NTRK3: variants seen among roughly 807,000 people sequenced by gnomAD.
NTRK3 encodes the protein neurotrophic receptor tyrosine kinase 3, also known as NT-3 growth factor receptor.
In NTRK3, 24 loss-of-function variants were observed where a neutral mutation model predicts 91.7. The observed-to-expected ratio is 0.26, with a 90% CI of 0.19 to 0.37. The LOEUF is 0.37. NTRK3 is among the 10% of genes least tolerant of loss of function. The probability of loss-of-function intolerance (pLI) is 1.00; values close to 1 mark genes in which losing one functional copy is unlikely to be tolerated. For missense variants in NTRK3, 880 were observed against 1,068.9 expected (o/e 0.82, Z 2.46); for synonymous variants, 483 against 404.0 (o/e 1.20, Z -2.34).
At chr15:88,032,324 A>T (rs1338769423) in intron 14 of NTRK3, among the ~76,000 whole-genome samples, 1 of 152,112 alleles carries the variant, frequency 6.6e-6, no homozygotes, top group African/African-American at 2.4e-5. Flanking sequence ...AGACATCTGC[A>T]GTGGGGAGGT....
intron 15 of NTRK3, among the ~76,000 whole-genome samples, chr15:87,936,804 G>A (rs1317209824): frequency 6.6e-6 from 1 of 152,116 alleles, no homozygotes; most frequent in African/African-American, 2.4e-5. Flanking sequence ...TACCAGGAAA[G>A]AAGATGGGTA....
chr15:87,915,276 C>T (rs1443086032), intron 17 of NTRK3, among the ~76,000 whole-genome samples: 1 of 152,248 alleles, frequency 6.6e-6, no homozygotes, highest in East Asian at 1.9e-4. Context: ...TAGAGCTGGA[C>T]TTAAGCCAGT....
chr15:87,878,405 T>A (rs1334895013), intron 18 of NTRK3, among the ~76,000 whole-genome samples: 1 of 152,200 alleles, frequency 6.6e-6, no homozygotes, highest in Non-Finnish European at 1.5e-5. Context: ...AGCATCCGCC[T>A]GGTTATATTC....
At chr15:88,201,741 T>G (rs1259777191) in intron 3 of NTRK3, among the ~76,000 whole-genome samples, 3 of 152,278 alleles carry the variant, frequency 2.0e-5, no homozygotes, top group East Asian at 1.9e-4. Flanking sequence ...GTCCGAATAC[T>G]TCAGAACACA....
intron 5 of NTRK3, among the ~76,000 whole-genome samples, chr15:88,173,208 G>A (rs2045684752): frequency 6.6e-6 from 1 of 152,208 alleles, no homozygotes; most frequent in African/African-American, 2.4e-5. Flanking sequence ...TACAGAAATA[G>A]CATGGCTGGA....
At chr15:88,117,188 TA>T (rs1427894132) in intron 13 of NTRK3, among the ~76,000 whole-genome samples, 1 of 152,242 alleles carries the variant, frequency 6.6e-6, no homozygotes, top group Non-Finnish European at 1.5e-5. Flanking sequence ...CAATTTAGAA[TA>T]AACTCATTTA....
chr15:88,242,498 C>A (rs2052449690), intron 3 of NTRK3, among the ~76,000 whole-genome samples: 1 of 152,298 alleles, frequency 6.6e-6, no homozygotes, highest in South Asian at 2.1e-4. Flanking sequence ...TAAAATTCTG[C>A]CCCCGCTTCT....
chr15:88,116,749 G>A (rs147245878), intron 13 of NTRK3, among the ~76,000 whole-genome samples: 1 of 152,272 alleles, frequency 6.6e-6, no homozygotes, highest in African/African-American at 2.4e-5. Context: ...ATATTCACTT[G>A]CATGTTCAAG....
chr15:88,138,727 C>T (rs1288569652), intron 6 of NTRK3, among the ~76,000 whole-genome samples: 1 of 152,196 alleles, frequency 6.6e-6, no homozygotes, highest in African/African-American at 2.4e-5. Flanking sequence ...AGTCCCTTGC[C>T]ATGCTATATT....
At chr15:88,033,554 A>G (rs1392299430) in intron 13 of NTRK3, among the ~76,000 whole-genome samples, 1 of 151,880 alleles carries the variant, frequency 6.6e-6, no homozygotes, top group African/African-American at 2.4e-5. Context: ...CAAGTGATCC[A>G]CCCACCTCAG....
intron 13 of NTRK3, among the ~76,000 whole-genome samples, chr15:88,046,245 G>T (rs1232774690): frequency 6.6e-6 from 1 of 152,162 alleles, no homozygotes; most frequent in African/African-American, 2.4e-5. Flanking sequence ...TAGAATCCTT[G>T]AAAGTGACCT....
chr15:88,142,524 C>T (rs2042485685), intron 6 of NTRK3, among the ~76,000 whole-genome samples: 1 of 152,228 alleles, frequency 6.6e-6, no homozygotes, highest in African/African-American at 2.4e-5. Flanking sequence ...TGGTTTTCTT[C>T]TTCCCTGCAC....
At chr15:88,079,183 T>C (rs1362437511) in intron 13 of NTRK3, among the ~76,000 whole-genome samples, 1 of 152,038 alleles carries the variant, frequency 6.6e-6, no homozygotes, top group African/African-American at 2.4e-5. Context: ...TGCTGGGAAA[T>C]GGTTAGACTC....
chr15:87,886,050 C>G (rs1409750082), intron 17 of NTRK3, among the ~76,000 whole-genome samples: 1 of 151,838 alleles, frequency 6.6e-6, no homozygotes, highest in Non-Finnish European at 1.5e-5. Context: ...AGGGTAAGAA[C>G]AGATGATCCA....
At chr15:87,877,955 T>C (rs898992187) in intron 18 of NTRK3, among the ~76,000 whole-genome samples, 1 of 152,120 alleles carries the variant, frequency 6.6e-6, no homozygotes, top group Non-Finnish European at 1.5e-5. Flanking sequence ...AGAAAACAAG[T>C]AATGCATGCC....
At chr15:88,146,474 C>T (rs543791624) in intron 6 of NTRK3, among the ~76,000 whole-genome samples, 2 of 152,322 alleles carry the variant, frequency 1.3e-5, no homozygotes, top group South Asian at 4.1e-4. Flanking sequence ...CTAACTTGAT[C>T]CATGCCTCAA....
chr15:88,031,625 G>T (rs2078543694), intron 14 of NTRK3, among the ~76,000 whole-genome samples: 1 of 152,144 alleles, frequency 6.6e-6, no homozygotes, highest in South Asian at 2.1e-4. Context: ...AGATTCTGGA[G>T]AACACCCAAG....
chr15:88,182,168 G>A (rs937703763), intron 5 of NTRK3, among the ~76,000 whole-genome samples: 1 of 152,154 alleles, frequency 6.6e-6, no homozygotes, highest in African/African-American at 2.4e-5. Context: ...TGACCACAGA[G>A]CCTGTTCTTT....
intron 5 of NTRK3, among the ~76,000 whole-genome samples, chr15:88,157,368 C>G (rs1037197216): frequency 2.0e-5 from 3 of 152,046 alleles, no homozygotes; most frequent in South Asian, 2.1e-4. Flanking sequence ...AGCTCTGCCT[C>G]TTTGACCCCT....
Sources: gnomAD v4.1 joint callset for allele counts (sites outside exome capture counted in the v4.1 genomes callset) on GRCh38, gnomAD v4.1.1 for gene constraint, MANE v1.5 for transcripts, NCBI Gene and HGNC (gene_info 2026-07-23, HGNC 2026-07-21) for gene names.